KCNMA1: variants seen among roughly 807,000 people sequenced by gnomAD.
KCNMA1 encodes the protein Calcium-activated potassium channel subunit alpha-1.
Under a neutral mutation model 140.0 loss-of-function variants are expected in KCNMA1, and 29 were observed. The observed-to-expected ratio is 0.21, with a 90% confidence interval of 0.15 to 0.28. The LOEUF is 0.28. Ranked by LOEUF, KCNMA1 falls within the 10% of genes least tolerant of loss-of-function variation. The pLI is 1.00. For synonymous variants in KCNMA1, 612 were observed against 611.9 expected (o/e 1.00, Z 0.00); for missense variants, 880 against 1,602.2 (o/e 0.55, Z 7.70).
chr10:77,314,923 AACACACAC>A (rs3998084), intron 2 of KCNMA1, among the ~76,000 whole-genome samples: 13,110 of 146,250 alleles, frequency 0.09, 825 homozygotes, highest in South Asian at 0.19. Flanking sequence ...CCACACCCCC[AACACACAC>A]ACACACACAC....
At chr10:77,449,233 A>G (rs2097582863) in intron 1 of KCNMA1, among the ~76,000 whole-genome samples, 1 of 152,200 alleles carries the variant, frequency 6.6e-6, no homozygotes, top group Non-Finnish European at 1.5e-5. Context: ...TTGAAGTGTT[A>G]CCTTTAATAA....
chr10:77,011,861 G>A, intron 18 of KCNMA1, 106 bp downstream of exon 18: 2 of 981,632 alleles, frequency 2.0e-6, no homozygotes, highest in Non-Finnish European at 1.6e-6. Flanking sequence ...ACATACTCAA[G>A]AAAACTCTCG....
intron 12 of KCNMA1, among the ~76,000 whole-genome samples, chr10:77,081,380 G>A (rs1414433496): frequency 6.6e-6 from 1 of 152,192 alleles, no homozygotes; most frequent in Non-Finnish European, 1.5e-5. Flanking sequence ...TCATTACCAA[G>A]TCTGTCAGAA....
intron 20 of KCNMA1, among the ~76,000 whole-genome samples, chr10:76,961,656 T>G (rs2071494076): frequency 6.6e-6 from 1 of 152,272 alleles, no homozygotes; most frequent in East Asian, 1.9e-4. Context: ...GTTGTCTTAT[T>G]TTAAGAAATT....
At chr10:77,522,780 A>G (rs2053938598) in intron 1 of KCNMA1, among the ~76,000 whole-genome samples, 1 of 152,250 alleles carries the variant, frequency 6.6e-6, no homozygotes, top group African/African-American at 2.4e-5. Flanking sequence ...CAATGGTTTA[A>G]GTAAACCCAT....
chr10:77,254,350 T>C (rs1460785915), intron 2 of KCNMA1, among the ~76,000 whole-genome samples: 1 of 151,842 alleles, frequency 6.6e-6, no homozygotes, highest in African/African-American at 2.4e-5. Context: ...GCCTCCCAAG[T>C]AGCTGGGACT....
chr10:77,317,118 C>T (rs1356063811), intron 2 of KCNMA1, among the ~76,000 whole-genome samples: 1 of 152,140 alleles, frequency 6.6e-6, no homozygotes, highest in Non-Finnish European at 1.5e-5. Flanking sequence ...CCAATCACCC[C>T]CTACCACTTA....
intron 2 of KCNMA1, among the ~76,000 whole-genome samples, chr10:77,321,332 C>T (rs146265988): frequency 6.3e-4 from 96 of 152,260 alleles, no homozygotes; most frequent in African/African-American, 1.9e-3. Flanking sequence ...CTCAAGTAAG[C>T]GACTTCTGCC....
chr10:77,598,952 T>C lies in KCNMA1; in HGVS notation c.378+38313A>G, dbSNP rs113805054. On this transcript the variant is annotated intron_variant, in intron 1 of 27. Coordinates refer to ENST00000286628, the MANE Select transcript of KCNMA1 (RefSeq NM_001161352.2). ...TGGAGAAAGTAAGGTCTGAAGAAGG[T>C]GGGGTGGGTAGAAAGCAGCAAAAAG... Among the ~76,000 whole-genome samples, 13 of 152,040 alleles carry C rather than the reference T, an allele frequency of 8.6e-5. 1 individual carries two copies. The highest frequency in any genetic ancestry group is 2.4e-4 in the African/African-American group (10 of 41,456).
chr10:77,567,867 G>A (rs980508933), intron 1 of KCNMA1, among the ~76,000 whole-genome samples: 4 of 152,188 alleles, frequency 2.6e-5, no homozygotes, highest in Non-Finnish European at 5.9e-5. Context: ...CAAGGCAAGT[G>A]GACTGCTTGA....
intron 2 of KCNMA1, among the ~76,000 whole-genome samples, chr10:77,393,754 C>A (rs1005467333): frequency 8.5e-5 from 13 of 152,196 alleles, no homozygotes; most frequent in Middle Eastern, 3.2e-3. Flanking sequence ...CAAGTGAGAA[C>A]GAGACACAAG....
intron 5 of KCNMA1, among the ~76,000 whole-genome samples, chr10:77,155,330 A>T (rs955629992): frequency 1.3e-5 from 2 of 152,258 alleles, no homozygotes; most frequent in Non-Finnish European, 2.9e-5. Context: ...ACAGTGAGTC[A>T]GATACCTCTG....
chr10:77,362,244 T>G (rs970158143), intron 2 of KCNMA1, among the ~76,000 whole-genome samples: 1 of 151,680 alleles, frequency 6.6e-6, no homozygotes, highest in Non-Finnish European at 1.5e-5. Context: ...ACCCTTCCGA[T>G]CCATTGTCCC....
chr10:77,523,209 C>G (rs570819772), intron 1 of KCNMA1, among the ~76,000 whole-genome samples: 1 of 149,882 alleles, frequency 6.7e-6, no homozygotes, highest in Non-Finnish European at 1.5e-5. Flanking sequence ...ACGTGCCCCC[C>G]CCCCTTGCAA....
rs186262611 is a variant in KCNMA1 at position 77,589,600 on chromosome 10, C to G, written c.378+47665G>C. ...AATTGGTGGGTTCTTGGTCTGACTT[C>G]AAGAATGAAGCCGCAGACCCTCGCG... On this transcript the variant is annotated intron_variant, in intron 1 of 27. Transcript: ENST00000286628. Among the ~76,000 whole-genome samples the G allele has an allele frequency of 7.8e-4, 119 of 152,266 alleles. 1 individual carries two copies. The highest frequency in any genetic ancestry group is 2.8e-3 in the African/African-American group (115 of 41,552).
At chr10:77,180,744 T>C (rs1483542496) in intron 5 of KCNMA1, among the ~76,000 whole-genome samples, 1 of 152,170 alleles carries the variant, frequency 6.6e-6, no homozygotes, top group Non-Finnish European at 1.5e-5. Flanking sequence ...TAAATATTAA[T>C]ATACAAATGG....
intron 15 of KCNMA1, among the ~76,000 whole-genome samples, chr10:77,035,919 G>A (rs970290330): frequency 6.6e-6 from 1 of 152,200 alleles, no homozygotes; most frequent in African/African-American, 2.4e-5. Flanking sequence ...TGATTGGACT[G>A]AAGGATACAA....
chr10:77,240,625 A>G (rs1451840532), intron 3 of KCNMA1, among the ~76,000 whole-genome samples: 2 of 152,338 alleles, frequency 1.3e-5, no homozygotes, highest in East Asian at 3.9e-4. Flanking sequence ...ATTTGAGGCC[A>G]ATATTTTAAA....
chr10:77,315,407 C>T (rs987563704), intron 2 of KCNMA1: 1 of 152,196 alleles, frequency 6.6e-6, no homozygotes, highest in Non-Finnish European at 1.5e-5. Context: ...ATTCTCGGTT[C>T]TGTTGATGAT....
Sources: gnomAD v4.1 joint callset for allele counts (sites outside exome capture counted in the v4.1 genomes callset) on GRCh38, gnomAD v4.1.1 for gene constraint, MANE v1.5 for transcripts, NCBI Gene and HGNC (gene_info 2026-07-23, HGNC 2026-07-21) for gene names.